CTNNA2: variants seen among roughly 807,000 people sequenced by gnomAD.
CTNNA2 encodes catenin alpha-2.
Under a neutral mutation model 101.0 loss-of-function variants are expected in CTNNA2, and 42 were observed. The observed-to-expected ratio is 0.42, with a 90% CI of 0.32 to 0.54. The LOEUF (loss-of-function observed/expected upper bound fraction) is 0.54. Among genes scored for constraint, CTNNA2 ranks in the 20% least tolerant of loss-of-function variants. The probability of loss-of-function intolerance (pLI) is 0.14; values close to 1 mark genes in which losing one functional copy is unlikely to be tolerated. For synonymous variants in CTNNA2, 450 were observed against 456.4 expected (o/e 0.99, Z 0.18); for missense variants, 871 against 1,223.1 (o/e 0.71, Z 4.29).
intron 7 of CTNNA2, among the ~76,000 whole-genome samples, chr2:79,962,737 G>A (rs1194195090): frequency 6.6e-6 from 1 of 152,098 alleles, no homozygotes; most frequent in Non-Finnish European, 1.5e-5. Flanking sequence ...GCACATTGGA[G>A]CCAGGTGCAG....
At chr2:79,297,727 C>A (rs1676015060) in intron 2 of CTNNA2, among the ~76,000 whole-genome samples, 1 of 152,176 alleles carries the variant, frequency 6.6e-6, no homozygotes, top group Non-Finnish European at 1.5e-5. Flanking sequence ...TTAACTCTAT[C>A]AAGACAAATT....
intron 7 of CTNNA2, among the ~76,000 whole-genome samples, chr2:79,988,163 G>A (rs562500419): frequency 6.6e-6 from 1 of 152,266 alleles, no homozygotes; most frequent in South Asian, 2.1e-4. Context: ...TACAGAATAT[G>A]GCATCAAATC....
At chr2:79,638,608 A>T (rs1314920909) in intron 1 of CTNNA2, among the ~76,000 whole-genome samples, 1 of 152,208 alleles carries the variant, frequency 6.6e-6, no homozygotes, top group Non-Finnish European at 1.5e-5. Flanking sequence ...GATGCAAAGC[A>T]GTACCTGTTT....
At chr2:80,407,695 G>A (rs1229160154) in intron 8 of CTNNA2, among the ~76,000 whole-genome samples, 1 of 152,164 alleles carries the variant, frequency 6.6e-6, no homozygotes, top group Non-Finnish European at 1.5e-5. Context: ...ATCCAACTAC[G>A]TTTCTCTTAA....
intron 7 of CTNNA2, among the ~76,000 whole-genome samples, chr2:79,939,995 G>A (rs909021065): frequency 2.6e-5 from 4 of 152,142 alleles, no homozygotes; most frequent in African/African-American, 9.7e-5. Flanking sequence ...GGGAGGCTGA[G>A]GCAGGAGAAT....
At chr2:79,214,923 G>A (rs775147546) in intron 2 of CTNNA2, among the ~76,000 whole-genome samples, 1 of 151,994 alleles carries the variant, frequency 6.6e-6, no homozygotes, top group African/African-American at 2.4e-5. Flanking sequence ...CTGGAGGCAA[G>A]GGAAACAGGC....
intron 12 of CTNNA2, among the ~76,000 whole-genome samples, chr2:80,559,090 G>A (rs1299323419): frequency 6.6e-6 from 1 of 152,076 alleles, no homozygotes; most frequent in African/African-American, 2.4e-5. Flanking sequence ...TCTAGACATT[G>A]CCAGATATCC....
chr2:80,317,914 C>T (rs1428432495), intron 7 of CTNNA2, among the ~76,000 whole-genome samples: 1 of 152,120 alleles, frequency 6.6e-6, no homozygotes. Flanking sequence ...TTGTTTTTCT[C>T]AAGAACCTCT....
At chr2:79,762,166 A>G (rs1437295775) in intron 3 of CTNNA2, among the ~76,000 whole-genome samples, 2 of 152,194 alleles carry the variant, frequency 1.3e-5, no homozygotes, top group Admixed American at 1.3e-4. Context: ...TCTTGGAACC[A>G]TATATTTTTG....
chr2:79,293,027 A>G (rs1675867147), intron 2 of CTNNA2: 1 of 152,170 alleles, frequency 6.6e-6, no homozygotes, highest in Non-Finnish European at 1.5e-5. Context: ...TCTTTGTCAC[A>G]TTTTCATCTC....
At chr2:79,689,657 G>A (rs1684161560) in intron 2 of CTNNA2, among the ~76,000 whole-genome samples, 1 of 151,932 alleles carries the variant, frequency 6.6e-6, no homozygotes, top group African/African-American at 2.4e-5. Flanking sequence ...AAAAGATGTA[G>A]ATATTAGAAT....
rs541293712 is a variant in CTNNA2, at chr2:80,075,794, T to A, written c.1056+165997T>A. Among the ~76,000 whole-genome samples the A allele has an allele frequency of 2.5e-3, 351 of 142,140 alleles. 11 individuals are homozygous for A. The highest frequency in any genetic ancestry group is 7.7e-3 in the African/African-American group (295 of 38,134). 93.2% of individuals were successfully genotyped at this position (142,140 alleles called of 152,430 possible). On this transcript the variant is annotated intron_variant, in intron 7 of 18. Coordinates refer to ENST00000402739, the MANE Select transcript of CTNNA2 (RefSeq NM_001282597.3). ...AATATTATAAAATAATATTTATACA[T>A]GTATAAATATTATAAAAATAATATT... is the stretch of plus-strand genomic sequence containing the variant.
chr2:79,532,243 G>A (rs1257105954), intron 1 of CTNNA2, among the ~76,000 whole-genome samples: 1 of 152,074 alleles, frequency 6.6e-6, no homozygotes, highest in Admixed American at 6.6e-5. Context: ...AAATTATAGG[G>A]ATGGGCTCTG....
intron 2 of CTNNA2, among the ~76,000 whole-genome samples, chr2:79,240,268 TA>T (rs1192180563): frequency 6.6e-6 from 1 of 151,934 alleles, no homozygotes; most frequent in Non-Finnish European, 1.5e-5. Flanking sequence ...GATGTTTCTA[TA>T]GGTAAACTGT....
chr2:80,010,241 TA>T (rs1179589915), intron 7 of CTNNA2, among the ~76,000 whole-genome samples: 1 of 152,140 alleles, frequency 6.6e-6, no homozygotes, highest in Non-Finnish European at 1.5e-5. Flanking sequence ...GGACACAGGT[TA>T]GAAGACTGAG....
intron 7 of CTNNA2, among the ~76,000 whole-genome samples, chr2:80,236,885 A>G (rs1452645513): frequency 1.3e-5 from 2 of 152,216 alleles, no homozygotes; most frequent in African/African-American, 2.4e-5. Context: ...TATAGGCTCC[A>G]TGGACTTTTT....
At chr2:79,899,089 C>G (rs1169055401) in intron 6 of CTNNA2, among the ~76,000 whole-genome samples, 1 of 151,750 alleles carries the variant, frequency 6.6e-6, no homozygotes, top group East Asian at 1.9e-4. Context: ...GTGTTCAAAA[C>G]ACACAGAGCT....
chr2:80,319,267 G>C lies in CTNNA2; in HGVS notation c.1057-73944G>C, dbSNP rs534624507. Among the ~76,000 whole-genome samples, 38 of 152,184 alleles carry C rather than the reference G, an allele frequency of 2.5e-4. No individual in the cohort carries two copies. The South Asian group carries it at 4.8e-3, about 19-fold the overall frequency. On this transcript the variant is annotated intron_variant, in intron 7 of 18. Coordinates refer to ENST00000402739, the MANE Select transcript of CTNNA2 (RefSeq NM_001282597.3). ...GTATTTGAAGGATGTCTACCAATTTGGAATATAATTACCTAGCAAGGGCTG... is the reference window on the plus strand; with the variant it reads ...GTATTTGAAGGATGTCTACCAATTTCGAATATAATTACCTAGCAAGGGCTG...
intron 4 of CTNNA2, among the ~76,000 whole-genome samples, chr2:79,458,294 A>G (rs1009705739): frequency 7.2e-5 from 11 of 152,206 alleles, no homozygotes; most frequent in Admixed American, 5.9e-4. Flanking sequence ...TATTTCTTAT[A>G]AGAGTCATGA....
Sources: allele counts gnomAD v4.1 joint callset (sites outside exome capture counted in the v4.1 genomes callset), GRCh38; gene constraint gnomAD v4.1.1; transcripts MANE v1.5; gene names NCBI Gene and HGNC (gene_info 2026-07-23, HGNC 2026-07-21).